The following TNS1 variants were observed in gnomAD, a reference collection of about 807,000 sequenced individuals.
The protein encoded by TNS1 is tensin 1, also known as tensin-1.
A neutral mutation model predicts 168.6 loss-of-function variants in TNS1; 62 were observed. The observed-to-expected ratio is 0.37, with a 90% CI of 0.30 to 0.45. The LOEUF (loss-of-function observed/expected upper bound fraction) is 0.45. Ranked by LOEUF, TNS1 falls within the 20% of genes least tolerant of loss-of-function variation. The pLI is 1.00. For missense variants in TNS1, 2,240 were observed against 2,339.4 expected, an observed-to-expected ratio of 0.96 and a Z score of 0.88; for synonymous variants, 934 against 933.2, an observed-to-expected ratio of 1.00 and a Z score of -0.02.
chr2:217,840,473 T>C (rs1424302348), intron 19 of TNS1, among the ~76,000 whole-genome samples: 1 of 152,234 alleles, frequency 6.6e-6, no homozygotes, highest in Admixed American at 6.5e-5. Flanking sequence ...CTTCTCAGAC[T>C]GGGAAATTGA....
At chr2:218,013,930 T>C (rs969483050), upstream of TNS1, among the ~76,000 whole-genome samples, 1 of 152,130 alleles carries the variant, frequency 6.6e-6, no homozygotes, top group Non-Finnish European at 1.5e-5. Flanking sequence ...TCTCCCCAAG[T>C]TTGCCCTGGA....
chr2:217,946,959 T>A (rs1488478743), intron 3 of TNS1, among the ~76,000 whole-genome samples: 1,802 of 128,440 alleles, frequency 0.014, 12 homozygotes, highest in African/African-American at 0.016. Flanking sequence ...TCTCTCTCTC[T>A]CTCTCTCTCT....
At chr2:217,997,059 TC>T (rs1045385466) in intron 1 of TNS1, among the ~76,000 whole-genome samples, 4 of 151,768 alleles carry the variant, frequency 2.6e-5, no homozygotes, top group African/African-American at 9.7e-5. Context: ...CTTCCTCCCC[TC>T]TTTGCTTGTC....
At chr2:217,879,346 G>C (rs1188168385) in intron 18 of TNS1, 2 of 408,886 alleles carry the variant, frequency 4.9e-6, no homozygotes, top group East Asian at 1.6e-4. Flanking sequence ...CCAGCACAAC[G>C]ACCAATTAGG....
At chr2:217,998,189 CTGAG>C (rs1399062949) in intron 1 of TNS1, among the ~76,000 whole-genome samples, 4 of 151,384 alleles carry the variant, frequency 2.6e-5, no homozygotes, top group Non-Finnish European at 5.9e-5. Context: ...ACTCAGTTTC[CTGAG>C]TGAGATAGAT....
intron 18 of TNS1, among the ~76,000 whole-genome samples, chr2:217,863,466 G>A (rs976248548): frequency 2.6e-5 from 4 of 152,116 alleles, no homozygotes; most frequent in Admixed American, 6.5e-5. Context: ...TTGTTGTGGT[G>A]GTCCCAAGCA....
At chr2:218,020,847 A>G (rs548751341) in intron 1 of TNS1, among the ~76,000 whole-genome samples, 1 of 152,278 alleles carries the variant, frequency 6.6e-6, no homozygotes, top group Admixed American at 6.5e-5. Context: ...CCCCTTGACT[A>G]TCCCTTTACT....
Position 217,812,386 on chromosome 2 carries a change from G to A in TNS1, c.5014C>T (p.Leu1672=), listed in dbSNP as rs1286561946. 6 of 1,614,010 alleles carry A rather than the reference G, an allele frequency of 3.7e-6. No homozygotes were observed. The East Asian group carries it at 1.3e-4, about 36-fold the overall frequency. The change falls in exon 28 of 33, where the codon CTG becomes TTG. Residue 1672 remains leucine, a synonymous_variant. Transcript: ENST00000682258. ...TTCCTACCTCGGTTTGGAATGACCA[G>A]CTTGCAAGGCAGGGCCAATGGGATG... ...SIIPLALPCK[L]VIPNRDPTDE...
intron 16 of TNS1, among the ~76,000 whole-genome samples, chr2:217,883,322 C>T (rs530003255): frequency 2.0e-5 from 3 of 151,950 alleles, no homozygotes; most frequent in South Asian, 4.2e-4. Context: ...CAAAGTGCAG[C>T]GGTGCAATCA....
chr2:218,000,833 G>A (rs539551185), intron 1 of TNS1, among the ~76,000 whole-genome samples: 30 of 152,272 alleles, frequency 2.0e-4, no homozygotes, highest in African/African-American at 6.5e-4. Context: ...GGAGACAGGG[G>A]AGGGACACAG....
intron 22 of TNS1, chr2:217,829,799 A>G (rs1467935914): frequency 2.5e-6 from 4 of 1,612,244 alleles, no homozygotes; most frequent in Non-Finnish European, 3.4e-6. Flanking sequence ...TTGAAAAGCC[A>G]TTTCCAGACC....
chr2:217,882,268 C>T, intron 17 of TNS1, 78 bp downstream of exon 17: 1 of 1,013,066 alleles, frequency 9.9e-7, no homozygotes, highest in Non-Finnish European at 1.5e-6. Context: ...GTGGAACAGA[C>T]CAGGGGTGGA....
chr2:217,818,314 T>C lies in TNS1; in HGVS notation c.4018A>G (p.Ser1340Gly). The change falls in exon 24 of 33, where the codon AGT becomes GGT. Residue 1340 changes from serine (S) to glycine (G), a missense_variant. By Grantham distance (56) the Ser-to-Gly change is moderately conservative. Around this residue, in one of 2 missense-constraint regions of TNS1, gnomAD observed 2,131 missense variants for 2,171.2 expected, o/e 0.98. Transcript: ENST00000682258. ...HGSTVSSPQS[S>G]AATTPGSPSL... Reference sequence around the variant, plus strand: ...GGGCTCCCCGGGGTGGTCGCTGCACTGCTCTGGGGGCTGGAGACAGTGCTA... The same window carrying C: ...GGGCTCCCCGGGGTGGTCGCTGCACCGCTCTGGGGGCTGGAGACAGTGCTA... 1 of 1,613,890 alleles carries C rather than the reference T, an allele frequency of 6.2e-7. No individual in the cohort carries two copies. Among genetic ancestry groups the C allele is most frequent in the Non-Finnish European group, 8.5e-7 (1 of 1,179,920 alleles).
chr2:217,910,516 G>A (rs1241304896), intron 4 of TNS1, among the ~76,000 whole-genome samples: 1 of 151,932 alleles, frequency 6.6e-6, no homozygotes, highest in Non-Finnish European at 1.5e-5. Flanking sequence ...CATGGGACTG[G>A]TAACAGGAGG....
At chr2:217,866,643 C>T (rs1442937014) in intron 18 of TNS1, among the ~76,000 whole-genome samples, 3 of 152,294 alleles carry the variant, frequency 2.0e-5, no homozygotes, top group Admixed American at 6.5e-5. Flanking sequence ...CGGCAGACAG[C>T]GGCAGGCAGC....
chr2:217,859,706 G>T (rs759574722), intron 18 of TNS1: 5 of 1,534,960 alleles, frequency 3.3e-6, no homozygotes, highest in Non-Finnish European at 4.4e-6. Flanking sequence ...TCCCATCTGT[G>T]GAAATCATGA....
intron 1 of TNS1, among the ~76,000 whole-genome samples, chr2:218,008,447 C>T (rs886304896): frequency 1.3e-5 from 2 of 152,182 alleles, no homozygotes; most frequent in Non-Finnish European, 2.9e-5. Context: ...TGGTCCTGGC[C>T]GGCCATTTCC....
At chr2:217,900,720 G>A in intron 6 of TNS1, 1 of 598,334 alleles carries the variant, frequency 1.7e-6, no homozygotes. Context: ...CTGCCTGTGT[G>A]CAAGCCCCAG....
intron 16 of TNS1, 57 bp from the exon 17 acceptor site, chr2:217,882,468 A>C (rs1345278504): frequency 1.6e-6 from 2 of 1,275,038 alleles, no homozygotes; most frequent in East Asian, 4.7e-5. Flanking sequence ...AGGATTCCAT[A>C]AAAAGTTTTC....
Sources: gnomAD v4.1 joint callset for allele counts (sites outside exome capture counted in the v4.1 genomes callset) on GRCh38, gnomAD v4.1.1 for gene constraint, gnomAD v4.1.1 regional missense constraint, MANE v1.5 for transcripts, NCBI Gene and HGNC (gene_info 2026-07-23, HGNC 2026-07-21) for gene names.